The following RFX3 variants were observed in gnomAD, a reference collection of about 807,000 sequenced individuals.
The protein encoded by RFX3 is regulatory factor X3, also known as transcription factor RFX3.
A neutral mutation model predicts 98.6 loss-of-function variants in RFX3; 14 were observed. The observed-to-expected ratio is 0.14, with a 90% CI of 0.09 to 0.22. The LOEUF is 0.22. Ranked by LOEUF, RFX3 falls within the 10% of genes least tolerant of loss-of-function variation. The probability of loss-of-function intolerance (pLI) is 1.00; values close to 1 mark genes in which losing one functional copy is unlikely to be tolerated. For synonymous variants in RFX3, 383 were observed against 328.4 expected, an observed-to-expected ratio of 1.17 and a Z score of -1.80; for missense variants, 639 against 926.9, an observed-to-expected ratio of 0.69 and a Z score of 4.03.
intron 1 of RFX3, among the ~76,000 whole-genome samples, chr9:3,441,774 G>A (rs1845630810): frequency 6.6e-6 from 1 of 152,282 alleles, no homozygotes; most frequent in Non-Finnish European, 1.5e-5. Context: ...AAGAACTTAT[G>A]TAAATACCCA....
intron 6 of RFX3, among the ~76,000 whole-genome samples, chr9:3,292,032 G>A (rs546292024): frequency 9.7e-6 from 1 of 103,606 alleles, no homozygotes; most frequent in Non-Finnish European, 1.8e-5. Flanking sequence ...ACTCCAGCCT[G>A]GCAACAGAAA....
chr9:3,411,110 C>A (rs1185162071), intron 1 of RFX3, among the ~76,000 whole-genome samples: 1 of 152,120 alleles, frequency 6.6e-6, no homozygotes, highest in Non-Finnish European at 1.5e-5. Flanking sequence ...TTCTCATGAT[C>A]CATGGAGCCA....
At chr9:3,444,482 T>C (rs753556893) in intron 1 of RFX3, among the ~76,000 whole-genome samples, 8 of 152,102 alleles carry the variant, frequency 5.3e-5, no homozygotes, top group African/African-American at 7.2e-5. Flanking sequence ...TCTGGGGCGA[T>C]AGTATATACA....
chr9:3,389,187 T>C (rs898271415), intron 2 of RFX3, among the ~76,000 whole-genome samples: 2 of 152,136 alleles, frequency 1.3e-5, no homozygotes, highest in Admixed American at 6.6e-5. Flanking sequence ...TAGGAAGACA[T>C]TTTCCTTTGT....
intron 4 of RFX3, among the ~76,000 whole-genome samples, chr9:3,315,036 T>G (rs1270341248): frequency 6.6e-6 from 1 of 152,148 alleles, no homozygotes; most frequent in Non-Finnish European, 1.5e-5. Context: ...AATAGACATC[T>G]ACAGAACTCT....
Position 3,248,122 on chromosome 9 carries a change from G to C in RFX3, c.1878C>G (p.Ile626Met). 6.2e-7 allele frequency: 1 copy of C among 1,613,860 alleles called. No homozygotes were observed. Among genetic ancestry groups the C allele is most frequent in the Non-Finnish European group, 8.5e-7 (1 of 1,179,886 alleles). The part of the protein sequence containing the change: ...SAASFGSFHL[I>M]RLLYDEYMFY... ...ACATATATTCGTCGTAGAGTAGACG[G>C]ATCAGGTGGAAGGAGCCAAAGCTAG... is the stretch of plus-strand genomic sequence containing the variant. Residue 626 changes from isoleucine to methionine, a missense_variant, in exon 15 of 17, where the codon ATC becomes ATG. This residue lies in a region of RFX3 where 138 missense variants were observed against 308.9 expected (regional missense o/e 0.45). Transcript: ENST00000617270.
chr9:3,335,892 C>T (rs546737170), intron 3 of RFX3, among the ~76,000 whole-genome samples: 2 of 152,062 alleles, frequency 1.3e-5, no homozygotes, highest in Admixed American at 6.5e-5. Flanking sequence ...TAAGGGTGAC[C>T]CTGAATATTC....
At chr9:3,261,127 A>G (rs1277520207) in intron 13 of RFX3, among the ~76,000 whole-genome samples, 2 of 152,082 alleles carry the variant, frequency 1.3e-5, no homozygotes, top group Non-Finnish European at 2.9e-5. Flanking sequence ...ATGTTTTTTA[A>G]CAGCTTTACT....
At chr9:3,314,679 T>A (rs1830368763) in intron 4 of RFX3, among the ~76,000 whole-genome samples, 1 of 151,412 alleles carries the variant, frequency 6.6e-6, no homozygotes, top group African/African-American at 2.4e-5. Context: ...TGAAGGAAGA[T>A]CTACCAAGCA....
At chr9:3,257,365 A>C (rs944715879) in intron 13 of RFX3, among the ~76,000 whole-genome samples, 166 bp from the exon 14 acceptor site, 3 of 152,136 alleles carry the variant, frequency 2.0e-5, no homozygotes, top group African/African-American at 4.8e-5. Flanking sequence ...GGGTAACACA[A>C]TCTTTATCAG....
Position 3,249,672 on chromosome 9 carries a change from T to C in RFX3, c.1815-1487A>G, listed in dbSNP as rs577028072. Among the ~76,000 whole-genome samples, 2 of 152,190 alleles carry C rather than the reference T, an allele frequency of 1.3e-5. 1 individual carries two copies. The highest frequency in any genetic ancestry group is 4.1e-4 in the South Asian group (2 of 4,820). ...GTGGATCTATTTACTAAAATAATAA[T>C]AATAAGAATAAGCACGGGTTTGAAG... On this transcript the variant is annotated intron_variant, in intron 14 of 16. Transcript: ENST00000617270.
chr9:3,457,139 C>CAAAAAAAAAAAAA (rs1169959832), intron 1 of RFX3, among the ~76,000 whole-genome samples: 6 of 22,806 alleles, frequency 2.6e-4, no homozygotes, highest in East Asian at 1.1e-3. Flanking sequence ...GACTCCATCT[C>CAAAAAAAAAAAAA]AAAAAAAAAA....
rs568205893 is a variant in RFX3 at position 3,272,645 on chromosome 9, G to C, written c.1087-1527C>G. 4.8e-4 allele frequency among the ~76,000 whole-genome samples: 73 copies of C among 152,218 alleles called. 1 individual carries two copies. The South Asian group carries it at 5.6e-3, about 12-fold the overall frequency. ...TTTTGTAACTGCTTTCTCAATTGTA[G>C]CTTAGGCACATTCCAAGAGACATCT... On this transcript the variant is annotated intron_variant, in intron 9 of 16. Coordinates refer to ENST00000617270, the MANE Select transcript of RFX3 (RefSeq NM_001282116.2).
intron 9 of RFX3, 84 bp from the exon 10 acceptor site, chr9:3,271,202 T>C: frequency 1.7e-6 from 2 of 1,161,266 alleles, no homozygotes; most frequent in East Asian, 2.4e-5. Context: ...CAAGATTTTA[T>C]ATGGTCAAGT....
intron 1 of RFX3, among the ~76,000 whole-genome samples, chr9:3,494,580 TGTATC>T (rs1312830325): frequency 1.3e-5 from 2 of 152,128 alleles, no homozygotes; most frequent in East Asian, 3.8e-4. Flanking sequence ...AAATCATAGT[TGTATC>T]TATCTATACC....
At chr9:3,354,645 C>T (rs1197235545) in intron 2 of RFX3, among the ~76,000 whole-genome samples, 1 of 151,692 alleles carries the variant, frequency 6.6e-6, no homozygotes, top group Non-Finnish European at 1.5e-5. Flanking sequence ...AAGAGAGGAT[C>T]CTTTTTCTGA....
At chr9:3,504,147 AT>A (rs1564183099) in intron 1 of RFX3, among the ~76,000 whole-genome samples, 2,260 of 111,940 alleles carry the variant, frequency 0.02, 90 homozygotes, top group African/African-American at 0.1. Flanking sequence ...ATTATATATT[AT>A]ACATATTATA....
intron 7 of RFX3, among the ~76,000 whole-genome samples, chr9:3,282,825 A>G (rs1826085242): frequency 1.3e-5 from 2 of 151,826 alleles, no homozygotes; most frequent in South Asian, 4.1e-4. Flanking sequence ...CTGAGGTTCT[A>G]TCTAGGAAGA....
At chr9:3,362,048 G>T (rs560154300) in intron 2 of RFX3, among the ~76,000 whole-genome samples, 1 of 152,284 alleles carries the variant, frequency 6.6e-6, no homozygotes, top group Admixed American at 6.5e-5. Context: ...TAATTTGTAG[G>T]TAAGGATGTT....
Sources: allele counts gnomAD v4.1 joint callset (sites outside exome capture counted in the v4.1 genomes callset), GRCh38; gene constraint gnomAD v4.1.1; regional missense constraint gnomAD v4.1.1; transcripts MANE v1.5; gene names NCBI Gene and HGNC (gene_info 2026-07-23, HGNC 2026-07-21).